HACD2: variants seen among roughly 807,000 people sequenced by gnomAD.
The protein encoded by HACD2 is 3-hydroxyacyl-CoA dehydratase 2.
A neutral mutation model predicts 31.0 loss-of-function variants in HACD2; 15 were observed. That is an observed-to-expected ratio of 0.48 (90% CI 0.32 to 0.75). The LOEUF (loss-of-function observed/expected upper bound fraction) is 0.75. Among genes scored for constraint, HACD2 ranks in the 30% least tolerant of loss-of-function variants. The pLI, the probability that HACD2 is intolerant of heterozygous loss-of-function variation, is 0.03. For missense variants in HACD2, 283 were observed against 313.0 expected, an observed-to-expected ratio of 0.90 and a Z score of 0.72; for synonymous variants, 115 against 122.2, an observed-to-expected ratio of 0.94 and a Z score of 0.39.
intron 4 of HACD2, among the ~76,000 whole-genome samples, chr3:123,506,831 GAAGT>G (rs1484615983): frequency 6.6e-6 from 1 of 152,160 alleles, no homozygotes; most frequent in Non-Finnish European, 1.5e-5. Context: ...TAGCCTCAGA[GAAGT>G]AAGAAAAGCT....
chr3:123,512,903 A>G (rs1016997378), intron 4 of HACD2, among the ~76,000 whole-genome samples: 5 of 152,166 alleles, frequency 3.3e-5, no homozygotes, highest in African/African-American at 1.2e-4. Flanking sequence ...AAGCAATGAC[A>G]TCTCAGTAGC....
chr3:123,532,622 G>A (rs1211125834), intron 3 of HACD2, among the ~76,000 whole-genome samples: 4 of 152,050 alleles, frequency 2.6e-5, no homozygotes, highest in African/African-American at 7.2e-5. Context: ...CCTGAGGTCC[G>A]GAGTTTGAGA....
chr3:123,571,554 G>A (rs1452667092), intron 2 of HACD2, among the ~76,000 whole-genome samples: 2 of 152,176 alleles, frequency 1.3e-5, no homozygotes, highest in Non-Finnish European at 2.9e-5. Context: ...TAGGAATGAG[G>A]AGTAACCTCC....
intron 3 of HACD2, among the ~76,000 whole-genome samples, chr3:123,559,205 A>G (rs2056701841): frequency 6.6e-6 from 1 of 152,210 alleles, no homozygotes; most frequent in Non-Finnish European, 1.5e-5. Context: ...CCGAAGCCCT[A>G]TAATTTCTGA....
chr3:123,544,748 C>T (rs2056537013), intron 3 of HACD2, among the ~76,000 whole-genome samples: 1 of 152,096 alleles, frequency 6.6e-6, no homozygotes, highest in Non-Finnish European at 1.5e-5. Context: ...CTTATTCATA[C>T]TGAACTATGT....
chr3:123,549,426 G>A (rs57891203), intron 3 of HACD2, among the ~76,000 whole-genome samples: 13,415 of 152,152 alleles, frequency 0.088, 804 homozygotes, highest in African/African-American at 0.17. Context: ...ATCTCAAGAA[G>A]GCTGTGAAGA....
intron 4 of HACD2, among the ~76,000 whole-genome samples, chr3:123,505,598 C>T (rs188903393): frequency 6.6e-6 from 1 of 152,108 alleles, no homozygotes; most frequent in Non-Finnish European, 1.5e-5. Flanking sequence ...CTCACAGGAG[C>T]CAACAGGGTG....
Position 123,492,030 on chromosome 3 carries a change from C to G in HACD2, c.*2858G>C, listed in dbSNP as rs2055769928. Reference sequence around the variant, plus strand: ...CTCTTCAACTCTCCAGCATCTAAACCTTTCCTGTCAGAAGTCTGCTCTGGA... The same window carrying G: ...CTCTTCAACTCTCCAGCATCTAAACGTTTCCTGTCAGAAGTCTGCTCTGGA... On this transcript the variant is annotated 3_prime_UTR_variant, in exon 7 of 7. Coordinates refer to ENST00000383657, the MANE Select transcript of HACD2 (RefSeq NM_198402.5). 1 of 152,318 alleles carries G rather than the reference C, an allele frequency of 6.6e-6. No individual in the cohort carries two copies. Among genetic ancestry groups the G allele is most frequent in the Admixed American group, 6.5e-5 (1 of 15,308 alleles). The allele number at this position is 152,318 out of a possible 1,614,324, so 9.4% of individuals were successfully genotyped here.
chr3:123,573,027 C>A (rs1396916560), intron 2 of HACD2, among the ~76,000 whole-genome samples: 1 of 152,172 alleles, frequency 6.6e-6, no homozygotes, highest in Non-Finnish European at 1.5e-5. Flanking sequence ...GAGAACCAGA[C>A]AAATTCCAGA....
intron 4 of HACD2, among the ~76,000 whole-genome samples, chr3:123,509,293 G>A (rs907168433): frequency 1.3e-5 from 2 of 151,842 alleles, no homozygotes; most frequent in African/African-American, 4.8e-5. Flanking sequence ...ACCTGAGCCC[G>A]GAAAGTTAAG....
chr3:123,552,687 G>A (rs2056631940), intron 3 of HACD2, among the ~76,000 whole-genome samples: 1 of 151,656 alleles, frequency 6.6e-6, no homozygotes, highest in Admixed American at 6.6e-5. Context: ...TAGGCATTTG[G>A]GCTATGAAAA....
At chr3:123,580,522 G>A (rs1482842262) in intron 2 of HACD2, among the ~76,000 whole-genome samples, 2 of 151,854 alleles carry the variant, frequency 1.3e-5, no homozygotes, top group African/African-American at 2.4e-5. Flanking sequence ...AGTGGTTCAC[G>A]CCTGTAATCT....
At chr3:123,510,011 T>G (rs1209630975) in intron 4 of HACD2, among the ~76,000 whole-genome samples, 1 of 152,150 alleles carries the variant, frequency 6.6e-6, no homozygotes, top group East Asian at 1.9e-4. Context: ...AAAATAAAAT[T>G]TATCATTTAA....
intron 4 of HACD2, among the ~76,000 whole-genome samples, chr3:123,506,202 A>G (rs2055974064): frequency 6.6e-6 from 1 of 152,214 alleles, no homozygotes; most frequent in African/African-American, 2.4e-5. Context: ...AGAGGAGAGA[A>G]TAACTGACAA....
chr3:123,555,333 A>G (rs2056662086), intron 3 of HACD2, among the ~76,000 whole-genome samples: 1 of 152,130 alleles, frequency 6.6e-6, no homozygotes, highest in African/African-American at 2.4e-5. Context: ...TATATAGAAG[A>G]TCTCAAAGAA....
chr3:123,569,957 C>A (rs1039745178), intron 2 of HACD2, among the ~76,000 whole-genome samples: 28 of 132,726 alleles, frequency 2.1e-4, no homozygotes, highest in Non-Finnish European at 3.1e-4. Context: ...CCACTGCACT[C>A]CAGCGTGGGC....
At chr3:123,523,794 G>A (rs1430569779) in intron 4 of HACD2, among the ~76,000 whole-genome samples, 1 of 152,198 alleles carries the variant, frequency 6.6e-6, no homozygotes, top group Non-Finnish European at 1.5e-5. Flanking sequence ...ACAGCATGAA[G>A]CACATGCCTG....
intron 3 of HACD2, among the ~76,000 whole-genome samples, chr3:123,544,116 G>A (rs1559920353): frequency 6.6e-6 from 1 of 152,156 alleles, no homozygotes; most frequent in Non-Finnish European, 1.5e-5. Flanking sequence ...TAATACGGGG[G>A]TGGTGGCAGT....
intron 2 of HACD2, among the ~76,000 whole-genome samples, chr3:123,576,258 T>A (rs1200396124): frequency 6.6e-6 from 1 of 152,030 alleles, no homozygotes; most frequent in Non-Finnish European, 1.5e-5. Context: ...TCTTTTTTTT[T>A]TTTAATTTCA....
Sources: allele counts gnomAD v4.1 joint callset (sites outside exome capture counted in the v4.1 genomes callset), GRCh38; gene constraint gnomAD v4.1.1; transcripts MANE v1.5; gene names NCBI Gene and HGNC (gene_info 2026-07-23, HGNC 2026-07-21).